PDZD8: variants seen among roughly 807,000 people sequenced by gnomAD.
The protein encoded by PDZD8 is PDZ domain containing 8, also known as PDZ domain-containing protein 8.
In PDZD8, 14 loss-of-function variants were observed where a neutral mutation model predicts 85.8. That is an observed-to-expected ratio of 0.16 (90% confidence interval 0.11 to 0.26). PDZD8 has a LOEUF of 0.26. Among genes scored for constraint, PDZD8 ranks in the 10% least tolerant of loss-of-function variants. PDZD8 has a pLI of 1.00. For missense variants in PDZD8, 1,197 were observed against 1,424.3 expected, an observed-to-expected ratio of 0.84 and a Z score of 2.57; for synonymous variants, 592 against 568.6, an observed-to-expected ratio of 1.04 and a Z score of -0.59.
rs755023500 is a variant in PDZD8 at position 117,375,254 on chromosome 10, T to C, written c.-27A>G. On this transcript the variant is annotated 5_prime_UTR_variant, in exon 1 of 5. Transcript: ENST00000334464. ...CCGCCACCGCCTCCGCCCGGGCCCC[T>C]ACTCCCGCGCCCACAGCGCCGCTTT... 2 of 1,434,156 alleles carry C rather than the reference T, an allele frequency of 1.4e-6. No individual in the cohort carries two copies. Among genetic ancestry groups the C allele is most frequent in the Middle Eastern group, 2.2e-4 (1 of 4,596 alleles). 88.8% of individuals were successfully genotyped at this position (1,434,156 alleles called of 1,614,324 possible).
intron 2 of PDZD8, among the ~76,000 whole-genome samples, chr10:117,339,597 A>G (rs1844575343): frequency 6.6e-6 from 1 of 152,240 alleles, no homozygotes; most frequent in Non-Finnish European, 1.5e-5. Flanking sequence ...GTATCAAAAG[A>G]ATATTTTATA....
chr10:117,318,846 T>C, intron 3 of PDZD8, 26 bp downstream of exon 3: 1 of 1,462,128 alleles, frequency 6.8e-7, no homozygotes, highest in Non-Finnish European at 9.6e-7. Flanking sequence ...TTTATATAGA[T>C]ATAAATCACT....
At chr10:117,322,744 G>C (rs1844247349) in intron 2 of PDZD8, among the ~76,000 whole-genome samples, 1 of 152,066 alleles carries the variant, frequency 6.6e-6, no homozygotes, top group African/African-American at 2.4e-5. Context: ...GGTGGAAACG[G>C]GTGAGGCATG....
chr10:117,308,966 C>A (rs1476991777), intron 3 of PDZD8, among the ~76,000 whole-genome samples: 2 of 152,096 alleles, frequency 1.3e-5, no homozygotes, highest in East Asian at 1.9e-4. Flanking sequence ...ATGCTACTGC[C>A]AGATCTCCCA....
At chr10:117,353,434 C>T (rs1407053874) in intron 1 of PDZD8, among the ~76,000 whole-genome samples, 2 of 152,136 alleles carry the variant, frequency 1.3e-5, no homozygotes, top group South Asian at 2.1e-4. Flanking sequence ...AACAAGTCCA[C>T]GTGATTAAAA....
chr10:117,334,916 C>A (rs1159324450), intron 2 of PDZD8, among the ~76,000 whole-genome samples: 1 of 151,650 alleles, frequency 6.6e-6, no homozygotes, highest in Non-Finnish European at 1.5e-5. Context: ...AATGAAACAG[C>A]CCAACATAAT....
At chr10:117,318,257 C>T (rs920551747) in intron 3 of PDZD8, among the ~76,000 whole-genome samples, 1 of 152,300 alleles carries the variant, frequency 6.6e-6, no homozygotes, top group Non-Finnish European at 1.5e-5. Context: ...AAAGAGCCTC[C>T]TTTATCATAA....
rs759844201 is a variant in PDZD8, at chr10:117,374,499, G to C, written c.729C>G (p.Phe243Leu). The change falls in exon 1 of 5, where the codon TTC (phenylalanine) becomes TTG (leucine). Residue 243 changes from phenylalanine to leucine, a missense_variant. Phe to Leu is a conservative substitution (Grantham distance 22). Transcript: ENST00000334464. The surrounding 1 kb of genome is among the most constrained non-coding windows in gnomAD (Gnocchi z 7.8). ...FTRVPFTHWF[F>L]SFVEDPLIDF... The stretch of plus-strand genomic sequence containing the variant: ...CGATCAGCGGGTCTTCCACGAAGGA[G>C]AAGAACCAGTGGGTGAAGGGCACGC... The C allele has an allele frequency of 6.2e-7, 1 of 1,613,596 alleles. No homozygotes were observed. The highest frequency in any genetic ancestry group is 8.5e-7 in the Non-Finnish European group (1 of 1,179,766).
chr10:117,302,856 T>C (rs896464232), intron 3 of PDZD8, among the ~76,000 whole-genome samples: 3 of 152,226 alleles, frequency 2.0e-5, no homozygotes, highest in Non-Finnish European at 2.9e-5. Context: ...GCTGCCTCCA[T>C]GTAAGAAGTG....
intron 3 of PDZD8, among the ~76,000 whole-genome samples, chr10:117,301,473 A>G (rs1181576524): frequency 1.3e-5 from 2 of 152,230 alleles, no homozygotes; most frequent in East Asian, 3.9e-4. Flanking sequence ...TTTTTATATT[A>G]AATAAGTTAC....
intron 1 of PDZD8, among the ~76,000 whole-genome samples, chr10:117,364,900 G>A (rs779696072): frequency 2.0e-5 from 3 of 151,712 alleles, no homozygotes; most frequent in Non-Finnish European, 4.4e-5. Flanking sequence ...CAGAAGGAAG[G>A]AGGGAGTGAA....
intron 2 of PDZD8, among the ~76,000 whole-genome samples, chr10:117,332,813 A>G (rs2133832687): frequency 6.7e-6 from 1 of 149,816 alleles, no homozygotes; most frequent in Non-Finnish European, 1.5e-5. Flanking sequence ...GGCCTCTGTA[A>G]AGTTTTTTTA....
At chr10:117,318,788 C>T (rs953479077) in intron 3 of PDZD8, 84 bp downstream of exon 3, 1 of 1,001,532 alleles carries the variant, frequency 1.0e-6, no homozygotes, top group Non-Finnish European at 1.5e-6. Flanking sequence ...CCAAAAATAA[C>T]TCTAGGAATA....
chr10:117,304,432 A>G (rs1351894374), intron 3 of PDZD8, among the ~76,000 whole-genome samples: 4 of 152,100 alleles, frequency 2.6e-5, no homozygotes, highest in Non-Finnish European at 5.9e-5. Context: ...CTTGTCTCAG[A>G]TGAGACTTTG....
chr10:117,359,189 T>A (rs1294507284), intron 1 of PDZD8, among the ~76,000 whole-genome samples: 2 of 150,908 alleles, frequency 1.3e-5, no homozygotes, highest in African/African-American at 4.9e-5. Flanking sequence ...CCGAGGTAAG[T>A]GGATGGATTG....
rs1554854831 is a variant in PDZD8 at position 117,333,117 on chromosome 10, C to CAAAAAAAAACAAAAAAAAAAA, written c.995+7862_995+7863insTTTTTTTTTTTGTTTTTTTTT. On this transcript the variant is annotated intron_variant, in intron 2 of 4. Coordinates refer to ENST00000334464, the MANE Select transcript of PDZD8 (RefSeq NM_173791.5). Reference sequence around the variant, plus strand: ...CTGGACAGCAGAGTGGACTCTGTCTCAAAAAAAAAAAAAAAAAAAAAAAAA... The same window carrying CAAAAAAAAACAAAAAAAAAAA: ...CTGGACAGCAGAGTGGACTCTGTCTCAAAAAAAAACAAAAAAAAAAAAAAAAAAAAAAAAAAAAAAAAAAAA... Among the ~76,000 whole-genome samples, 2 of 7,256 alleles carry CAAAAAAAAACAAAAAAAAAAA rather than the reference C, an allele frequency of 2.8e-4. 1 individual carries two copies. The highest frequency in any genetic ancestry group is 1.2e-3 in the Non-Finnish European group (2 of 1,734). The allele number at this position is 7,256 out of a possible 152,430, so 4.8% of individuals were successfully genotyped here.
chr10:117,314,707 G>T (rs1844093253), intron 3 of PDZD8, among the ~76,000 whole-genome samples: 1 of 152,060 alleles, frequency 6.6e-6, no homozygotes, highest in Admixed American at 6.5e-5. Flanking sequence ...TCTCTCTTCT[G>T]CCCATGTACT....
rs369519735 is a variant in PDZD8, at chr10:117,330,750, T to G, written c.995+10230A>C. ...ACAATTTACTCCATAAATATGCACA[T>G]TTTTCTTAATATCACCTTCAATAAC... On this transcript the variant is annotated intron_variant, in intron 2 of 4. Transcript: ENST00000334464. 7.4e-4 allele frequency among the ~76,000 whole-genome samples: 113 copies of G among 152,316 alleles called. 3 individuals carry two copies. The South Asian group carries it at 0.022, about 29-fold the overall frequency.
intron 3 of PDZD8, among the ~76,000 whole-genome samples, chr10:117,312,161 G>C (rs1844049738): frequency 6.6e-6 from 1 of 152,088 alleles, no homozygotes; most frequent in Admixed American, 6.6e-5. Flanking sequence ...GCAGAGATCG[G>C]ATGAATGGGT....
Sources: allele counts gnomAD v4.1 joint callset (sites outside exome capture counted in the v4.1 genomes callset), GRCh38; gene constraint gnomAD v4.1.1; non-coding constraint Gnocchi (gnomAD v3.1); transcripts MANE v1.5; gene names NCBI Gene and HGNC (gene_info 2026-07-23, HGNC 2026-07-21).